MBNL1: variants seen among roughly 807,000 people sequenced by gnomAD.
MBNL1 encodes muscleblind like splicing regulator 1, also known as muscleblind-like protein 1.
Under a neutral mutation model 42.2 loss-of-function variants are expected in MBNL1, and 8 were observed. That is an observed-to-expected ratio of 0.19 (90% CI 0.11 to 0.34). MBNL1 has a LOEUF of 0.34. Ranked by LOEUF, MBNL1 falls within the 10% of genes least tolerant of loss-of-function variation. The pLI, the probability that MBNL1 is intolerant of heterozygous loss-of-function variation, is 1.00. For synonymous variants in MBNL1, 169 were observed against 173.9 expected (o/e 0.97, Z 0.22); for missense variants, 309 against 495.3 (o/e 0.62, Z 3.57).
intron 2 of MBNL1, among the ~76,000 whole-genome samples, chr3:152,361,723 T>C (rs2095974674): frequency 6.6e-6 from 1 of 152,096 alleles, no homozygotes; most frequent in African/African-American, 2.4e-5. Context: ...AAAAAGATGG[T>C]GGAACAAAAT....
At chr3:152,427,192 G>C (rs2098944139) in intron 3 of MBNL1, among the ~76,000 whole-genome samples, 2 of 152,154 alleles carry the variant, frequency 1.3e-5, no homozygotes, top group South Asian at 4.1e-4. Context: ...CTGGATTTTA[G>C]GAACTAGGCC....
At chr3:152,401,380 C>A (rs2098211877) in intron 2 of MBNL1, among the ~76,000 whole-genome samples, 1 of 152,142 alleles carries the variant, frequency 6.6e-6, no homozygotes, top group African/African-American at 2.4e-5. Flanking sequence ...AGGGTCACTT[C>A]TCATAATCAA....
chr3:152,304,334 C>G (rs2061966954), intron 2 of MBNL1, among the ~76,000 whole-genome samples: 1 of 152,134 alleles, frequency 6.6e-6, no homozygotes, highest in Admixed American at 6.5e-5. Flanking sequence ...CCAGAAATTG[C>G]CTGTGTTGCT....
At chr3:152,369,309 C>A (rs548229720) in intron 2 of MBNL1, among the ~76,000 whole-genome samples, 1 of 152,192 alleles carries the variant, frequency 6.6e-6, no homozygotes, top group East Asian at 1.9e-4. Context: ...TGATGGATTA[C>A]GTTTATTGAT....
intron 2 of MBNL1, among the ~76,000 whole-genome samples, chr3:152,314,356 T>C (rs1356392447): frequency 6.6e-6 from 1 of 151,436 alleles, no homozygotes; most frequent in African/African-American, 2.4e-5. Context: ...CCTGTTGAAA[T>C]GGTCCGTTTT....
chr3:152,246,952 C>T (rs1395315227), intron 2 of MBNL1, among the ~76,000 whole-genome samples: 1 of 152,042 alleles, frequency 6.6e-6, no homozygotes, highest in African/African-American at 2.4e-5. Context: ...CTCTATCCCA[C>T]TCCAACAAAT....
chr3:152,356,678 C>T (rs934622097), intron 2 of MBNL1, among the ~76,000 whole-genome samples: 3 of 152,148 alleles, frequency 2.0e-5, no homozygotes, highest in Non-Finnish European at 4.4e-5. Flanking sequence ...CCATGTTGGT[C>T]AGGCTGGTCT....
intron 2 of MBNL1, among the ~76,000 whole-genome samples, chr3:152,325,663 T>C (rs1316438860): frequency 3.3e-5 from 5 of 152,080 alleles, no homozygotes; most frequent in Non-Finnish European, 5.9e-5. Context: ...TACAAATACA[T>C]TGATTTAGGT....
chr3:152,288,828 A>G (rs1164948700), intron 1 of MBNL1, among the ~76,000 whole-genome samples: 5 of 152,232 alleles, frequency 3.3e-5, no homozygotes, highest in Non-Finnish European at 5.9e-5. Flanking sequence ...CCATGTTTTG[A>G]TGCAACAGGA....
chr3:152,351,712 A>T (rs1026664899), intron 2 of MBNL1, among the ~76,000 whole-genome samples: 2 of 152,186 alleles, frequency 1.3e-5, no homozygotes, highest in Non-Finnish European at 2.9e-5. Context: ...AATCAGATAC[A>T]AGTTACTATA....
At chr3:152,293,397 C>G (rs980826446) in intron 1 of MBNL1, among the ~76,000 whole-genome samples, 1 of 152,158 alleles carries the variant, frequency 6.6e-6, no homozygotes, top group Non-Finnish European at 1.5e-5. Context: ...TCCAGAAATG[C>G]TAAGTTGGTT....
chr3:152,429,485 A>G (rs1286766863), intron 3 of MBNL1, among the ~76,000 whole-genome samples: 1 of 152,238 alleles, frequency 6.6e-6, no homozygotes, highest in African/African-American at 2.4e-5. Flanking sequence ...TATAGTCAGT[A>G]TCAAATATAC....
intron 4 of MBNL1, among the ~76,000 whole-genome samples, chr3:152,433,333 C>G (rs922647360): frequency 2.0e-5 from 3 of 152,148 alleles, no homozygotes; most frequent in Admixed American, 2.0e-4. Context: ...AAATTGTTCT[C>G]ATAAAGATTA....
chr3:152,372,471 T>A (rs932337919), intron 2 of MBNL1, among the ~76,000 whole-genome samples: 5 of 152,298 alleles, frequency 3.3e-5, no homozygotes, highest in South Asian at 2.1e-4. Context: ...GACCTTTGGA[T>A]GGGGTTTTTG....
At chr3:152,276,794 C>T (rs148332319) in intron 1 of MBNL1, among the ~76,000 whole-genome samples, 1 of 152,056 alleles carries the variant, frequency 6.6e-6, no homozygotes, top group African/African-American at 2.4e-5. Flanking sequence ...AGGGTAGTAA[C>T]CTTACAGGAG....
At chr3:152,291,337 C>T (rs1325707446) in intron 1 of MBNL1, among the ~76,000 whole-genome samples, 2 of 152,078 alleles carry the variant, frequency 1.3e-5, no homozygotes, top group East Asian at 1.9e-4. Context: ...AAATCTGTTT[C>T]GAATATTCCA....
chr3:152,446,679 A>T (rs1425896353), intron 5 of MBNL1: 6 of 1,611,330 alleles, frequency 3.7e-6, no homozygotes, highest in Non-Finnish European at 5.1e-6. Flanking sequence ...CATTGCCATC[A>T]TGTGCTCGCT....
chr3:152,299,230 ATG>A (rs2059844328), intron 1 of MBNL1, 173 bp from the exon 2 acceptor site: 1 of 153,396 alleles, frequency 6.5e-6, no homozygotes, highest in Non-Finnish European at 1.5e-5. Flanking sequence ...TAAATCTACG[ATG>A]GCTGGCTGCA....
intron 1 of MBNL1, among the ~76,000 whole-genome samples, chr3:152,284,412 A>G (rs528787038): frequency 2.6e-4 from 39 of 152,136 alleles, no homozygotes; most frequent in Non-Finnish European, 5.0e-4. Context: ...GCCAAAAAGT[A>G]ACCAATATTA....
Sources: gnomAD v4.1 joint callset for allele counts (sites outside exome capture counted in the v4.1 genomes callset) on GRCh38, gnomAD v4.1.1 for gene constraint, MANE v1.5 for transcripts, NCBI Gene and HGNC (gene_info 2026-07-23, HGNC 2026-07-21) for gene names.